Variants in ADK observed in about 807,000 individuals in gnomAD.
ADK encodes the protein adenosine kinase, also known as N6,N6-dimethyladenosine kinase.
ADK carries 24 observed loss-of-function variants against 44.7 expected under a neutral mutation model. The observed-to-expected ratio is 0.54, with a 90% confidence interval of 0.39 to 0.76. The LOEUF is 0.76. Ranked by LOEUF, ADK falls within the 30% of genes least tolerant of loss-of-function variation. The pLI, the probability that ADK is intolerant of heterozygous loss-of-function variation, is 0.00. For synonymous variants in ADK, 128 were observed against 142.6 expected, an observed-to-expected ratio of 0.90 and a Z score of 0.73; for missense variants, 321 against 425.1, an observed-to-expected ratio of 0.76 and a Z score of 2.15.
chr10:74,394,813 G>C (rs938806678), intron 5 of ADK, among the ~76,000 whole-genome samples: 1 of 152,102 alleles, frequency 6.6e-6, no homozygotes, highest in African/African-American at 2.4e-5. Flanking sequence ...CTGGCAAATA[G>C]TAATTCATTC....
At chr10:74,313,331 G>C (rs980567286) in intron 3 of ADK, among the ~76,000 whole-genome samples, 2 of 150,732 alleles carry the variant, frequency 1.3e-5, no homozygotes, top group South Asian at 2.1e-4. Context: ...TGTTTTTTTT[G>C]GGGGGGAGAG....
chr10:74,435,480 AT>A (rs1316357786), intron 6 of ADK, among the ~76,000 whole-genome samples: 1 of 152,156 alleles, frequency 6.6e-6, no homozygotes, highest in East Asian at 1.9e-4. Context: ...TATAACTACT[AT>A]TATGTCTGAA....
chr10:74,466,216 TAAGAG>T (rs1310772755), intron 6 of ADK, among the ~76,000 whole-genome samples: 2 of 152,172 alleles, frequency 1.3e-5, no homozygotes, highest in Admixed American at 6.6e-5. Context: ...CCTATGCAGT[TAAGAG>T]AAGAAATGCA....
chr10:74,205,606 G>A (rs939227311), intron 2 of ADK, among the ~76,000 whole-genome samples: 4 of 151,060 alleles, frequency 2.6e-5, no homozygotes, highest in African/African-American at 9.7e-5. Flanking sequence ...AACCTGGGAG[G>A]CGGAGGTTGC....
At chr10:74,520,224 AT>A (rs1464632956) in intron 6 of ADK, among the ~76,000 whole-genome samples, 1 of 152,026 alleles carries the variant, frequency 6.6e-6, no homozygotes, top group East Asian at 1.9e-4. Context: ...ACCCAAATAG[AT>A]TAAAATCTAC....
intron 7 of ADK, among the ~76,000 whole-genome samples, chr10:74,542,409 A>G (rs1849669825): frequency 6.6e-6 from 1 of 152,240 alleles, no homozygotes; most frequent in Non-Finnish European, 1.5e-5. Context: ...AAATTTACTA[A>G]GAGCTCAATA....
In ADK at chr10:74,403,714, G is replaced by A. The variant is rs549922691; in HGVS notation, c.555+5135G>A. ...CGCTTCCCAGGTGAAGCGATGCCCC[G>A]CCCTGCTTTGGCTCACACTCTGTGG... is the stretch of plus-strand genomic sequence containing the variant. On this transcript the variant is annotated intron_variant, in intron 6 of 10. Transcript: ENST00000539909. Among the ~76,000 whole-genome samples, 7 of 152,178 alleles carry A rather than the reference G, an allele frequency of 4.6e-5. No homozygotes were observed. The South Asian group carries it at 6.2e-4, about 14-fold the overall frequency.
rs35650817 is a variant in ADK at position 74,678,143 on chromosome 10, C to CAA, written c.964+7890_964+7891dup. ...GCAACAGGGGGAGACCCTGTCTCTA[C>CAA]AAAAAAAAAAAAAAAAAGGATATGA... On this transcript the variant is annotated intron_variant, in intron 10 of 10. Coordinates refer to ENST00000539909, the MANE Select transcript of ADK (RefSeq NM_006721.4). Among the ~76,000 whole-genome samples, 31 of 59,198 alleles carry CAA rather than the reference C, an allele frequency of 5.2e-4. 1 individual carries two copies. Among genetic ancestry groups the CAA allele is most frequent in the East Asian group, 4.3e-3 (9 of 2,086 alleles). The allele number at this position is 59,198 out of a possible 152,430, so 38.8% of individuals were successfully genotyped here. A position where few individuals can be genotyped will look rare whatever the true frequency, so the allele number is the denominator to read the frequency against.
chr10:74,485,462 AAAATAAATAAATAAAT>A lies in ADK; in HGVS notation c.556-39763_556-39748del, dbSNP rs200618866. On this transcript the variant is annotated intron_variant, in intron 6 of 10. Transcript: ENST00000539909. Reference sequence around the variant, plus strand: ...GGGTGACAGAGTGAGACCCTGTCTCAAAATAAATAAATAAATAAATAAATAAATAAATAAATAAATA... The same window carrying A: ...GGGTGACAGAGTGAGACCCTGTCTCAAAATAAATAAATAAATAAATAAATA... Among the ~76,000 whole-genome samples the A allele has an allele frequency of 6.4e-4, 92 of 144,024 alleles. No individual in the cohort carries two copies. The South Asian group carries it at 0.015, about 24-fold the overall frequency. 94.5% of individuals were successfully genotyped at this position (144,024 alleles called of 152,430 possible). A position where few individuals can be genotyped will look rare whatever the true frequency, so the allele number is the denominator to read the frequency against.
chr10:74,579,878 A>G (rs1851318703), intron 7 of ADK, among the ~76,000 whole-genome samples: 1 of 152,224 alleles, frequency 6.6e-6, no homozygotes, highest in African/African-American at 2.4e-5. Flanking sequence ...GATTAATAAT[A>G]GTTTATAGCC....
chr10:74,349,997 C>A (rs1176635642), intron 4 of ADK, among the ~76,000 whole-genome samples: 1 of 152,068 alleles, frequency 6.6e-6, no homozygotes, highest in Non-Finnish European at 1.5e-5. Flanking sequence ...AATATGAGAT[C>A]AATGAGACAG....
chr10:74,364,392 C>T (rs952171625), intron 4 of ADK, among the ~76,000 whole-genome samples: 1 of 152,206 alleles, frequency 6.6e-6, no homozygotes, highest in African/African-American at 2.4e-5. Context: ...ATGCATTCAG[C>T]TGCTCTCACC....
At chr10:74,378,750 C>A (rs954089012) in intron 4 of ADK, among the ~76,000 whole-genome samples, 1 of 151,920 alleles carries the variant, frequency 6.6e-6, no homozygotes, top group African/African-American at 2.4e-5. Flanking sequence ...TGGGGGAAAT[C>A]CAGTTCAGTG....
At chr10:74,512,693 G>T (rs1314429550) in intron 6 of ADK, among the ~76,000 whole-genome samples, 1 of 150,836 alleles carries the variant, frequency 6.6e-6, no homozygotes, top group Non-Finnish European at 1.5e-5. Flanking sequence ...CTAATGGTTT[G>T]TCAATTTTGT....
chr10:74,596,525 T>G (rs1294560436), intron 8 of ADK, among the ~76,000 whole-genome samples: 1 of 151,752 alleles, frequency 6.6e-6, no homozygotes, highest in Non-Finnish European at 1.5e-5. Flanking sequence ...CTATCAAAAT[T>G]CCAATGTCAT....
rs35190282 is a variant in ADK, at chr10:74,163,060, CG to C, written c.65+11720del. On this transcript the variant is annotated intron_variant, in intron 1 of 10. Coordinates refer to ENST00000539909, the MANE Select transcript of ADK (RefSeq NM_006721.4). ...TCGGCTCACTGCAGCCTCCACCTTC[CG>C]GGTTCAAGCGATTCTCCTGCCTCAG... 4.9e-4 allele frequency among the ~76,000 whole-genome samples: 74 copies of C among 152,056 alleles called. 3 individuals carry two copies. The East Asian group carries it at 0.012, about 24-fold the overall frequency.
intron 4 of ADK, among the ~76,000 whole-genome samples, chr10:74,347,348 C>G (rs1841811660): frequency 6.6e-6 from 1 of 151,864 alleles, no homozygotes; most frequent in Non-Finnish European, 1.5e-5. Flanking sequence ...CCTCCTTCCC[C>G]CAGCCAAGGG....
chr10:74,510,679 A>G (rs548359810), intron 6 of ADK, among the ~76,000 whole-genome samples: 25 of 152,008 alleles, frequency 1.6e-4, no homozygotes, highest in Non-Finnish European at 3.1e-4. Context: ...TTCTTCTAGG[A>G]GGGTTATCCT....
At chr10:74,453,633 C>T (rs1225800501) in intron 6 of ADK, among the ~76,000 whole-genome samples, 1 of 151,996 alleles carries the variant, frequency 6.6e-6, no homozygotes. Flanking sequence ...ATGATTATTT[C>T]CTTTCCTTCT....
Sources: allele counts gnomAD v4.1 joint callset (sites outside exome capture counted in the v4.1 genomes callset), GRCh38; gene constraint gnomAD v4.1.1; transcripts MANE v1.5; gene names NCBI Gene and HGNC (gene_info 2026-07-23, HGNC 2026-07-21).